DRC11: variants seen among roughly 807,000 people sequenced by gnomAD.
DRC11 encodes the protein dynein regulatory complex subunit 11.
chr2:236,445,757 G>C, the DRC11 span, among the ~76,000 whole-genome samples: 1 of 152,108 alleles, frequency 6.6e-6, no homozygotes, highest in Non-Finnish European at 1.5e-5. The surrounding 1 kb of genome is among the most constrained non-coding windows in gnomAD (Gnocchi z 4.8). Flanking sequence ...CTGTTGTAGG[G>C]TACACATTAA....
chr2:236,481,059 G>C, the DRC11 span, among the ~76,000 whole-genome samples: 1 of 152,230 alleles, frequency 6.6e-6, no homozygotes, highest in African/African-American at 2.4e-5. Context: ...AGGCTGGCTA[G>C]TGGTTTTTGC....
chr2:236,377,345 G>C, the DRC11 span, among the ~76,000 whole-genome samples: 1 of 152,114 alleles, frequency 6.6e-6, no homozygotes, highest in Non-Finnish European at 1.5e-5. The surrounding 1 kb of genome is among the most constrained non-coding windows in gnomAD (Gnocchi z 4.9). Flanking sequence ...CTACAATTTG[G>C]GGATAAATTA....
chr2:236,491,269 T>TAC, the DRC11 span, among the ~76,000 whole-genome samples: 1 of 80,010 alleles, frequency 1.2e-5, no homozygotes, highest in African/African-American at 4.9e-5. Context: ...TATATATATA[T>TAC]ATACACACAG....
At chr2:236,489,575 G>T in the DRC11 span, among the ~76,000 whole-genome samples, 7 of 152,256 alleles carry the variant, frequency 4.6e-5, no homozygotes, top group South Asian at 1.0e-3. Context: ...GCCTGGCTTG[G>T]GGGGTGTCCA....
At chr2:236,415,091 T>C in the DRC11 span, among the ~76,000 whole-genome samples, 1 of 152,174 alleles carries the variant, frequency 6.6e-6, no homozygotes, top group African/African-American at 2.4e-5. The surrounding 1 kb of genome is among the most constrained non-coding windows in gnomAD (Gnocchi z 5.7). Flanking sequence ...TGTGTGACAT[T>C]CAGAAAATAA....
At chr2:236,428,023 T>C in the DRC11 span, among the ~76,000 whole-genome samples, 1 of 152,166 alleles carries the variant, frequency 6.6e-6, no homozygotes, top group East Asian at 1.9e-4. Flanking sequence ...TGTTAATTTC[T>C]ATCTATTTGT....
At chr2:236,430,397 A>C in the DRC11 span, among the ~76,000 whole-genome samples, 1 of 152,230 alleles carries the variant, frequency 6.6e-6, no homozygotes, top group East Asian at 1.9e-4. The surrounding 1 kb of genome is among the most constrained non-coding windows in gnomAD (Gnocchi z 6.0). Context: ...ACACAAATGC[A>C]CATTATAAAC....
chr2:236,322,403 TC>T, the DRC11 span, among the ~76,000 whole-genome samples: 27,635 of 151,266 alleles, frequency 0.18, 2,886 homozygotes, highest in African/African-American at 0.27. Context: ...CCCGGCTAAT[TC>T]TTTTTTTCTT....
At chr2:236,459,297 T>G in the DRC11 span, among the ~76,000 whole-genome samples, 2 of 152,052 alleles carry the variant, frequency 1.3e-5, no homozygotes, top group Non-Finnish European at 2.9e-5. Flanking sequence ...CATTTTTCTT[T>G]TATCAATTTG....
the DRC11 span, among the ~76,000 whole-genome samples, chr2:236,449,040 AG>A: frequency 1.3e-5 from 2 of 151,598 alleles, no homozygotes; most frequent in African/African-American, 4.9e-5. The surrounding 1 kb of genome is among the most constrained non-coding windows in gnomAD (Gnocchi z 5.1). Flanking sequence ...TTGTGTTTTT[AG>A]TAGAGATGGG....
At chr2:236,506,950 C>G in the DRC11 span, among the ~76,000 whole-genome samples, 19 of 152,212 alleles carry the variant, frequency 1.2e-4, no homozygotes, top group Non-Finnish European at 2.2e-4. The surrounding 1 kb of genome is among the most constrained non-coding windows in gnomAD (Gnocchi z 4.9). Context: ...TGGCATAGTG[C>G]TTCTCAGCAA....
chr2:236,382,472 T>G, the DRC11 span, among the ~76,000 whole-genome samples: 1 of 152,226 alleles, frequency 6.6e-6, no homozygotes, highest in Non-Finnish European at 1.5e-5. Context: ...AATTTGTCTA[T>G]GTCTACAAAT....
At chr2:236,348,562 G>A in the DRC11 span, among the ~76,000 whole-genome samples, 5 of 144,654 alleles carry the variant, frequency 3.5e-5, no homozygotes, top group South Asian at 1.1e-3. This position sits in a 1 kb window ranked among gnomAD's most constrained non-coding sequence, Gnocchi z 7.4. Flanking sequence ...TGAGGAGGGG[G>A]CGGAGCACAA....
the DRC11 span, among the ~76,000 whole-genome samples, chr2:236,501,940 C>T: frequency 3.9e-5 from 6 of 152,174 alleles, no homozygotes; most frequent in Non-Finnish European, 8.8e-5. Context: ...TTCAGTTCAA[C>T]ACAGAGGAAA....
At chr2:236,471,330 A>C in the DRC11 span, among the ~76,000 whole-genome samples, 6 of 152,184 alleles carry the variant, frequency 3.9e-5, no homozygotes, top group African/African-American at 1.4e-4. This position sits in a 1 kb window ranked among gnomAD's most constrained non-coding sequence, Gnocchi z 4.6. Context: ...TACTTTTATA[A>C]AAAATGTGCA....
chr2:236,319,118 T>C, the DRC11 span, among the ~76,000 whole-genome samples: 1 of 152,182 alleles, frequency 6.6e-6, no homozygotes, highest in Admixed American at 6.5e-5. The surrounding 1 kb of genome is among the most constrained non-coding windows in gnomAD (Gnocchi z 6.7). Context: ...GCCATGCCCC[T>C]CCTCCTTCTT....
the DRC11 span, among the ~76,000 whole-genome samples, chr2:236,490,737 G>A: frequency 2.6e-5 from 4 of 151,842 alleles, no homozygotes; most frequent in Non-Finnish European, 5.9e-5. This position sits in a 1 kb window ranked among gnomAD's most constrained non-coding sequence, Gnocchi z 5.5. Flanking sequence ...ATTAATGTAG[G>A]AGATGGACAA....
the DRC11 span, chr2:236,408,599 T>C: frequency 1.4e-6 from 1 of 726,930 alleles, no homozygotes; most frequent in Admixed American, 1.8e-5. This position sits in a 1 kb window ranked among gnomAD's most constrained non-coding sequence, Gnocchi z 5.5. Flanking sequence ...CATGGATGAC[T>C]TGGCAGTGCT....
At chr2:236,475,864 G>C in the DRC11 span, among the ~76,000 whole-genome samples, 1 of 152,064 alleles carries the variant, frequency 6.6e-6, no homozygotes, top group Non-Finnish European at 1.5e-5. This position sits in a 1 kb window ranked among gnomAD's most constrained non-coding sequence, Gnocchi z 4.8. Context: ...AGTCTTTGTC[G>C]AAAATAAATT....
Sources: allele counts gnomAD v4.1 joint callset (sites outside exome capture counted in the v4.1 genomes callset), GRCh38; gene constraint gnomAD v4.1.1; non-coding constraint Gnocchi (gnomAD v3.1); transcripts MANE v1.5; gene names NCBI Gene and HGNC (gene_info 2026-07-23, HGNC 2026-07-21).